NOL11: variants seen among roughly 807,000 people sequenced by gnomAD.
The protein encoded by NOL11 is nucleolar protein 11.
In NOL11, 42 loss-of-function variants were observed where a neutral mutation model predicts 93.0. The observed-to-expected ratio is 0.45, with a 90% confidence interval of 0.35 to 0.58. NOL11 has a LOEUF of 0.58. NOL11 is among the 20% of genes least tolerant of loss of function. NOL11 has a pLI of 0.00. For missense variants in NOL11, 775 were observed against 841.8 expected (o/e 0.92, Z 0.98); for synonymous variants, 296 against 293.7 (o/e 1.01, Z -0.08).
At position 67,726,593 on chromosome 17, in the gene NOL11, T is replaced by C; in HGVS notation, c.798T>C (p.Thr266=). 4.3e-6 allele frequency: 7 copies of C among 1,614,054 alleles called. No individual in the cohort carries two copies. The highest frequency in any genetic ancestry group is 5.9e-6 in the Non-Finnish European group (7 of 1,179,986). Residue 266 remains threonine (T), a synonymous_variant, in exon 7 of 18, where the codon ACT becomes ACC. Transcript: ENST00000253247. ...ACGCTCGAAATGGAGTTGCACTCAC[T>C]GCCCTGGATCAGGATCACGTCGCAG... The part of the protein sequence containing the change: ...SGNARNGVAL[T]ALDQDHVAVL...
chr17:67,721,288 A>T, intron 3 of NOL11, 90 bp from the exon 4 acceptor site: 1 of 721,136 alleles, frequency 1.4e-6, no homozygotes, highest in Non-Finnish European at 2.1e-6. Context: ...AAAATAAAGC[A>T]GTCACTTAAA....
At chr17:67,736,067 A>G in intron 9 of NOL11, 44 bp downstream of exon 9, 3 of 1,544,306 alleles carry the variant, frequency 1.9e-6, no homozygotes, top group Non-Finnish European at 1.8e-6. Context: ...AAACCGTTTT[A>G]TTAACTTGTA....
chr17:67,720,094 T>C, intron 3 of NOL11, 132 bp downstream of exon 3: 1 of 752,402 alleles, frequency 1.3e-6, no homozygotes. Context: ...GTTTTCATTC[T>C]AATTATCTTA....
rs1567803974 is a variant in NOL11, at chr17:67,735,944, TCTAA to T, written c.978_981del (p.Thr327Ter). 6.2e-7 allele frequency: 1 copy of T among 1,612,250 alleles called. No individual in the cohort carries two copies. Among genetic ancestry groups the T allele is most frequent in the Non-Finnish European group, 8.5e-7 (1 of 1,178,722 alleles). ...ATTTGTTTATGCTACATGGAAAATC[TCTAA>T]CTGTGATTCCATACAAGTGTGAAGT... On this transcript the variant is annotated frameshift_variant, in exon 9 of 18. Coordinates refer to ENST00000253247, the MANE Select transcript of NOL11 (RefSeq NM_015462.5). LOFTEE classifies it high-confidence loss of function.
chr17:67,736,882 G>C (rs2055206998), intron 10 of NOL11, 128 bp downstream of exon 10: 4 of 784,098 alleles, frequency 5.1e-6, no homozygotes, highest in African/African-American at 1.7e-5. Flanking sequence ...ACAGTTTGCG[G>C]CTTGAACCCA....
chr17:67,717,985 T>G lies in NOL11; in HGVS notation c.38T>G (p.Val13Gly). Residue 13 changes from valine to glycine, a missense_variant, in exon 1 of 18, where the codon GTA becomes GGA. Coordinates refer to ENST00000253247, the MANE Select transcript of NOL11 (RefSeq NM_015462.5). Reference sequence around the variant, plus strand: ...GAGGAAGAATTCACGTTGTCTTCGGTAGTCCTGAGCGCCGGGCCTGAAGGA... The same window carrying G: ...GAGGAAGAATTCACGTTGTCTTCGGGAGTCCTGAGCGCCGGGCCTGAAGGA... The part of the protein sequence containing the change: ...ALEEEFTLSS[V>G]VLSAGPEGLL... 1 of 1,614,190 alleles carries G rather than the reference T, an allele frequency of 6.2e-7. No individual in the cohort carries two copies. Among genetic ancestry groups the G allele is most frequent in the Non-Finnish European group, 8.5e-7 (1 of 1,180,032 alleles).
At chr17:67,741,550 TTTTA>T (rs563786770) in intron 16 of NOL11, among the ~76,000 whole-genome samples, 16 of 151,778 alleles carry the variant, frequency 1.1e-4, no homozygotes, top group African/African-American at 3.4e-4. Flanking sequence ...AGTGGTTATT[TTTTA>T]TTTATTTATT....
intron 7 of NOL11, among the ~76,000 whole-genome samples, chr17:67,729,036 A>G (rs1414949326): frequency 6.6e-6 from 1 of 151,744 alleles, no homozygotes; most frequent in African/African-American, 2.4e-5. Flanking sequence ...AGAAGAAATT[A>G]AAGTGAAGGA....
chr17:67,737,819 A>T, intron 12 of NOL11, 28 bp from the exon 13 acceptor site: 1 of 1,602,242 alleles, frequency 6.2e-7, no homozygotes, highest in Admixed American at 1.8e-5. Context: ...CTTAATATGT[A>T]ATAGTGATTC....
intron 16 of NOL11, among the ~76,000 whole-genome samples, chr17:67,741,175 T>C (rs1404633359): frequency 6.6e-6 from 1 of 152,180 alleles, no homozygotes; most frequent in Non-Finnish European, 1.5e-5. Flanking sequence ...GTTCAAGTGA[T>C]TCTCCTGCCT....
At chr17:67,722,723 C>T (rs999043) in intron 5 of NOL11, 86 bp downstream of exon 5, 1,238,679 of 1,452,032 alleles carry the variant, frequency 0.85, 531,951 homozygotes, top group Non-Finnish European at 0.88. Flanking sequence ...GTTGCCCTGT[C>T]ACCCAGGCTT....
chr17:67,742,833 A>G (rs759732596), intron 16 of NOL11, among the ~76,000 whole-genome samples: 6 of 152,238 alleles, frequency 3.9e-5, no homozygotes, highest in Admixed American at 1.3e-4. Flanking sequence ...ACTCATCTAT[A>G]ATACACAACA....
intron 16 of NOL11, among the ~76,000 whole-genome samples, chr17:67,740,104 G>A (rs964104776): frequency 1.6e-4 from 25 of 151,890 alleles, no homozygotes; most frequent in Admixed American, 1.6e-3. Flanking sequence ...GCATAGTGGT[G>A]CGTGCCTGTA....
intron 7 of NOL11, among the ~76,000 whole-genome samples, chr17:67,731,912 C>T (rs2055157494): frequency 6.6e-6 from 1 of 152,180 alleles, no homozygotes; most frequent in Non-Finnish European, 1.5e-5. Context: ...AGCTCTCCAA[C>T]TTTGTTCTTC....
At chr17:67,728,521 TCTC>T (rs931119416) in intron 7 of NOL11, among the ~76,000 whole-genome samples, 6 of 152,042 alleles carry the variant, frequency 3.9e-5, no homozygotes, top group South Asian at 2.1e-4. Flanking sequence ...AAGCTGTGCT[TCTC>T]CTCTCTCTTC....
chr17:67,723,311 G>A (rs1323702292), intron 5 of NOL11, among the ~76,000 whole-genome samples: 27 of 147,884 alleles, frequency 1.8e-4, no homozygotes, highest in Admixed American at 1.7e-3. Context: ...TGCGCCTGGC[G>A]CAAAACCATT....
chr17:67,726,340 A>G, intron 6 of NOL11, 120 bp from the exon 7 acceptor site: 1 of 714,156 alleles, frequency 1.4e-6, no homozygotes, highest in Non-Finnish European at 2.1e-6. Context: ...GGGATTGTTT[A>G]TTTTTCTGGT....
chr17:67,736,064 TTTA>T lies in NOL11; in HGVS notation c.1054+45_1054+47del, dbSNP rs1404942652. The T allele has an allele frequency of 3.2e-6, 5 of 1,550,054 alleles. No individual in the cohort carries two copies. In the East Asian group the frequency reaches 1.1e-4, roughly 36 times the overall value. On this transcript the variant is annotated intron_variant, in intron 9 of 17. Transcript: ENST00000253247. ...TGTTTGTTTTATTAATACAAACCGT[TTTA>T]TTAACTTGTAGTTTCGTACAGATTC...
chr17:67,733,193 T>G (rs2055170697), intron 7 of NOL11, among the ~76,000 whole-genome samples: 1 of 151,660 alleles, frequency 6.6e-6, no homozygotes. Flanking sequence ...GTGAAACCCC[T>G]GTCTCTACTA....
Sources: gnomAD v4.1 joint callset for allele counts (sites outside exome capture counted in the v4.1 genomes callset) on GRCh38, gnomAD v4.1.1 for gene constraint, MANE v1.5 for transcripts, NCBI Gene and HGNC (gene_info 2026-07-23, HGNC 2026-07-21) for gene names.